Variants in DTWD2 observed in about 807,000 individuals in gnomAD.
DTWD2 encodes the protein DTW motif tRNA-uridine aminocarboxypropyltransferase 2.
DTWD2 carries 39 observed loss-of-function variants against 31.8 expected under a neutral mutation model. That is an observed-to-expected ratio of 1.22 (90% CI 0.95 to 1.60). DTWD2 has a LOEUF of 1.60. Ranked by LOEUF, DTWD2 falls within the 40% of genes most tolerant of loss-of-function variation. The pLI is 0.00. For synonymous variants in DTWD2, 180 were observed against 142.8 expected, an observed-to-expected ratio of 1.26 and a Z score of -1.86; for missense variants, 515 against 381.5, an observed-to-expected ratio of 1.35 and a Z score of -2.92.
intron 1 of DTWD2, among the ~76,000 whole-genome samples, chr5:118,962,401 C>T (rs1242985152): frequency 6.6e-6 from 1 of 152,064 alleles, no homozygotes; most frequent in East Asian, 1.9e-4. Flanking sequence ...CACCTATATA[C>T]AGCTAAGAAT....
intron 5 of DTWD2, among the ~76,000 whole-genome samples, chr5:118,846,145 G>A (rs990543224): frequency 2.0e-5 from 3 of 152,014 alleles, no homozygotes; most frequent in Non-Finnish European, 4.4e-5. Context: ...AACATTCTTA[G>A]CTAATAGGAT....
intron 1 of DTWD2, among the ~76,000 whole-genome samples, chr5:118,956,804 A>G (rs569165411): frequency 6.6e-6 from 1 of 152,326 alleles, no homozygotes; most frequent in South Asian, 2.1e-4. Flanking sequence ...ATAGCGAAAA[A>G]GCAAAGAACA....
At chr5:118,962,791 C>A (rs536535335) in intron 1 of DTWD2, among the ~76,000 whole-genome samples, 2 of 152,302 alleles carry the variant, frequency 1.3e-5, no homozygotes, top group South Asian at 4.1e-4. Flanking sequence ...TTTAGCCTAA[C>A]TTAAAGATGA....
Position 118,872,501 on chromosome 5 carries a change from G to C in DTWD2, c.598-24283C>G, listed in dbSNP as rs141890482. Among the ~76,000 whole-genome samples the C allele has an allele frequency of 6.6e-5, 10 of 152,268 alleles. No homozygotes were observed. In the East Asian group the frequency reaches 1.9e-3, roughly 29 times the overall value. On this transcript the variant is annotated intron_variant, in intron 4 of 5. Transcript: ENST00000510708. ...TATTAATTGGCCTAATTTCAAAATT[G>C]TTGTATCTCAGAAAATAGGACAGCC...
At chr5:118,979,481 T>G (rs2149603139) in intron 1 of DTWD2, among the ~76,000 whole-genome samples, 1 of 152,312 alleles carries the variant, frequency 6.6e-6, no homozygotes, top group African/African-American at 2.4e-5. Flanking sequence ...AGAAATATCA[T>G]GTGACCTAGT....
intron 5 of DTWD2, among the ~76,000 whole-genome samples, chr5:118,846,920 GCACACACACACACACACACACACACACA>G (rs144531960): frequency 3.0e-4 from 40 of 134,986 alleles, no homozygotes; most frequent in African/African-American, 9.9e-4. Context: ...AAACACACAG[GCACACACACACACACACACACACACACA>G]CACACACACA....
intron 1 of DTWD2, among the ~76,000 whole-genome samples, chr5:118,949,757 G>T (rs978460489): frequency 1.3e-5 from 2 of 152,138 alleles, no homozygotes; most frequent in Non-Finnish European, 2.9e-5. Flanking sequence ...GAGACACAAG[G>T]GGAGGATGTG....
At position 118,857,846 on chromosome 5, in the gene DTWD2, T is replaced by A. The variant is rs1256352478; in HGVS notation, c.598-9628A>T. ...TCTTTCCTCTGTAGCAGAGAATAGG[T>A]AGCTCTAGAATTAACACTTGAAAAG... On this transcript the variant is annotated intron_variant, in intron 4 of 5. Coordinates refer to ENST00000510708, the MANE Select transcript of DTWD2 (RefSeq NM_173666.4). 2.6e-5 allele frequency among the ~76,000 whole-genome samples: 4 copies of A among 152,152 alleles called. No individual in the cohort carries two copies. The East Asian group carries it at 7.7e-4, about 29-fold the overall frequency.
At chr5:118,899,271 T>A (rs1029145669) in intron 4 of DTWD2, among the ~76,000 whole-genome samples, 18 of 152,312 alleles carry the variant, frequency 1.2e-4, no homozygotes, top group African/African-American at 4.3e-4. Flanking sequence ...CAGACATGAG[T>A]TATAGTGCTA....
At chr5:118,975,633 T>C (rs142808985) in intron 1 of DTWD2, among the ~76,000 whole-genome samples, 2 of 152,174 alleles carry the variant, frequency 1.3e-5, no homozygotes, top group Non-Finnish European at 2.9e-5. Context: ...TTTCAGCCTT[T>C]TTGTGCTGGT....
chr5:118,957,585 ATATC>A, intron 1 of DTWD2, among the ~76,000 whole-genome samples: 1 of 152,166 alleles, frequency 6.6e-6, no homozygotes, highest in South Asian at 2.1e-4. Flanking sequence ...TATATAATAT[ATATC>A]TGTTTTAAAT....
At chr5:118,930,631 T>C (rs1753902526) in intron 3 of DTWD2, among the ~76,000 whole-genome samples, 1 of 152,188 alleles carries the variant, frequency 6.6e-6, no homozygotes. Context: ...TTACCACAGC[T>C]TTTTTCTACC....
intron 1 of DTWD2, among the ~76,000 whole-genome samples, chr5:118,962,013 G>A (rs139261218): frequency 0.027 from 4,086 of 152,184 alleles, 88 homozygotes; most frequent in South Asian, 0.046. Context: ...AGGCTGAGGC[G>A]GGAGGATCAT....
chr5:118,849,343 T>C (rs1030176493), intron 4 of DTWD2, among the ~76,000 whole-genome samples: 9 of 152,080 alleles, frequency 5.9e-5, no homozygotes, highest in African/African-American at 2.2e-4. Flanking sequence ...CTCACTCCAG[T>C]TGGAATGGTG....
intron 4 of DTWD2, among the ~76,000 whole-genome samples, chr5:118,879,256 G>C (rs1041565964): frequency 6.6e-6 from 1 of 152,140 alleles, no homozygotes; most frequent in African/African-American, 2.4e-5. Flanking sequence ...ATTAGTGATA[G>C]ACTGAATAAG....
chr5:118,869,965 C>G (rs1172822430), intron 4 of DTWD2, among the ~76,000 whole-genome samples: 2 of 152,154 alleles, frequency 1.3e-5, no homozygotes, highest in African/African-American at 4.8e-5. Flanking sequence ...ATCACCGCTT[C>G]ACACAAGAGC....
chr5:118,974,906 T>C (rs1336017413), intron 1 of DTWD2, among the ~76,000 whole-genome samples: 3 of 152,386 alleles, frequency 2.0e-5, no homozygotes, highest in East Asian at 3.9e-4. Context: ...GTTAGTCTGA[T>C]AGGCTTCCCT....
intron 4 of DTWD2, among the ~76,000 whole-genome samples, chr5:118,889,124 T>C (rs1304526737): frequency 1.3e-5 from 2 of 152,216 alleles, no homozygotes; most frequent in African/African-American, 4.8e-5. Context: ...CAATGTGTTC[T>C]TTTATGGCTC....
At chr5:118,914,117 G>C (rs549664366) in intron 4 of DTWD2, among the ~76,000 whole-genome samples, 1 of 151,982 alleles carries the variant, frequency 6.6e-6, no homozygotes, top group Non-Finnish European at 1.5e-5. Context: ...TGGTGGTTTC[G>C]CCTTACTCTG....
Sources: gnomAD v4.1 joint callset for allele counts (sites outside exome capture counted in the v4.1 genomes callset) on GRCh38, gnomAD v4.1.1 for gene constraint, MANE v1.5 for transcripts, NCBI Gene and HGNC (gene_info 2026-07-23, HGNC 2026-07-21) for gene names.